Variants in AP3B1 observed in about 807,000 individuals in gnomAD.
AP3B1 encodes AP-3 complex subunit beta-1.
A neutral mutation model predicts 132.5 loss-of-function variants in AP3B1; 61 were observed. The ratio of observed to expected loss-of-function variants is 0.46; its 90% CI spans 0.37 to 0.57. AP3B1 has a LOEUF of 0.57. Ranked by LOEUF, AP3B1 falls within the 20% of genes least tolerant of loss-of-function variation. The pLI, the probability that AP3B1 is intolerant of heterozygous loss-of-function variation, is 0.00. For missense variants in AP3B1, 1,120 were observed against 1,289.4 expected, an observed-to-expected ratio of 0.87 and a Z score of 2.01; for synonymous variants, 388 against 438.3, an observed-to-expected ratio of 0.89 and a Z score of 1.43.
Position 78,003,029 on chromosome 5 carries a change from C to T in AP3B1, c.3158G>A (p.Gly1053Glu), listed in dbSNP as rs777824071. ...HRFAAKTVHS[G>E]SLMLVTVELK... ...TTCCACTGTGACTAGCATCAATGAC[C>T]CACTGTGCACAGTTTTAGCTGCAAA... The change falls in exon 27 of 27, where the codon GGG (glycine) becomes GAG (glutamate). Residue 1053 changes from glycine to glutamate, a missense_variant. Transcript: ENST00000255194. 2.5e-6 allele frequency: 4 copies of T among 1,614,128 alleles called. No individual in the cohort carries two copies. The highest frequency in any genetic ancestry group is 1.7e-4 in the Middle Eastern group (1 of 6,060).
chr5:78,114,967 C>A lies in AP3B1; in HGVS notation c.2078-1044G>T, dbSNP rs553588757. On this transcript the variant is annotated intron_variant, in intron 18 of 26. Transcript: ENST00000255194. ...CAGCAAATGGGGATAACACTAGTTACTTTTCAGAGCTGTTGTGAAGATTAA... is the reference window on the plus strand; with the variant it reads ...CAGCAAATGGGGATAACACTAGTTAATTTTCAGAGCTGTTGTGAAGATTAA... 3.3e-5 allele frequency among the ~76,000 whole-genome samples: 5 copies of A among 152,250 alleles called. No homozygotes were observed. The South Asian group carries it at 6.2e-4, about 19-fold the overall frequency.
chr5:78,165,211 G>A (rs926725175), intron 12 of AP3B1, among the ~76,000 whole-genome samples: 4 of 152,096 alleles, frequency 2.6e-5, no homozygotes, highest in African/African-American at 9.7e-5. Flanking sequence ...TATATATGAG[G>A]CTAAGGGGGC....
intron 7 of AP3B1, among the ~76,000 whole-genome samples, chr5:78,204,004 T>A (rs1415096975): frequency 2.0e-5 from 3 of 152,174 alleles, no homozygotes; most frequent in African/African-American, 7.2e-5. Flanking sequence ...CTGGTTTCAT[T>A]TAGCTGTTTC....
rs1157249359 is a variant in AP3B1 at position 78,227,667 on chromosome 5, A to T, written c.376-135T>A. 1.5e-5 allele frequency: 12 copies of T among 807,568 alleles called. No homozygotes were observed. In the African/African-American group the frequency reaches 1.5e-4, roughly 10 times the overall value. The allele number at this position is 807,568 out of a possible 1,614,324, so 50.0% of individuals were successfully genotyped here. A position where few individuals can be genotyped will look rare whatever the true frequency, so the allele number is the denominator to read the frequency against. Reference sequence around the variant, plus strand: ...AAGAAAGCTACTTAATTTAAAATGAACAATTAGTATATAGGAATGGGAAAA... The same window carrying T: ...AAGAAAGCTACTTAATTTAAAATGATCAATTAGTATATAGGAATGGGAAAA... On this transcript the variant is annotated intron_variant, in intron 4 of 26. Coordinates refer to ENST00000255194, the MANE Select transcript of AP3B1 (RefSeq NM_003664.5).
In AP3B1 at chr5:78,267,509, A is replaced by G; in HGVS notation, c.204+11T>C. On this transcript the variant is annotated intron_variant, in intron 2 of 26. Transcript: ENST00000255194. ...TTTTCCAAAATTGAAGTAAATGAGT[A>G]TTTTACCTACCCCAACAATCCGCTT... The G allele has an allele frequency of 2.5e-6, 4 of 1,595,760 alleles. No homozygotes were observed. The highest frequency in any genetic ancestry group is 3.4e-6 in the Non-Finnish European group (4 of 1,165,184).
intron 21 of AP3B1, among the ~76,000 whole-genome samples, chr5:78,093,321 G>C (rs1750613735): frequency 6.6e-6 from 1 of 152,172 alleles, no homozygotes; most frequent in Non-Finnish European, 1.5e-5. Context: ...GGCCTCCAAA[G>C]TGCTAGATTA....
chr5:78,077,515 G>A (rs1177207955), intron 22 of AP3B1, among the ~76,000 whole-genome samples: 4 of 152,148 alleles, frequency 2.6e-5, no homozygotes, highest in Non-Finnish European at 5.9e-5. Context: ...AACAAGTTAA[G>A]GAATCATTAC....
chr5:78,250,904 CA>C (rs762025780), intron 2 of AP3B1, among the ~76,000 whole-genome samples: 8 of 151,222 alleles, frequency 5.3e-5, no homozygotes, highest in Non-Finnish European at 8.9e-5. Flanking sequence ...AATGCCAGCT[CA>C]AAAAAAATCC....
intron 20 of AP3B1, among the ~76,000 whole-genome samples, chr5:78,103,692 A>G (rs561723415): frequency 6.6e-6 from 1 of 152,308 alleles, no homozygotes; most frequent in African/African-American, 2.4e-5. Flanking sequence ...ACCACAAAAA[A>G]TACCTAGTTA....
intron 3 of AP3B1, among the ~76,000 whole-genome samples, chr5:78,230,598 T>C (rs919643315): frequency 6.6e-6 from 1 of 152,162 alleles, no homozygotes; most frequent in Admixed American, 6.5e-5. Flanking sequence ...AGTCCCCAAA[T>C]ATAACTTGCA....
At position 78,020,999 on chromosome 5, in the gene AP3B1, T is replaced by C. The variant is rs17190102; in HGVS notation, c.2895-210A>G. Among the ~76,000 whole-genome samples the C allele has an allele frequency of 0.3, 46,152 of 151,928 alleles. 7,319 individuals are homozygous for C. Among genetic ancestry groups the C allele is most frequent in the Middle Eastern group, 0.38 (112 of 292 alleles). Reference sequence around the variant, plus strand: ...ACATCTGTTATCTCAATCAAGATTTTTTAAAAAACAAAACTACACAGGTAT... The same window carrying C: ...ACATCTGTTATCTCAATCAAGATTTCTTAAAAAACAAAACTACACAGGTAT... On this transcript the variant is annotated intron_variant, in intron 24 of 26. Coordinates refer to ENST00000255194, the MANE Select transcript of AP3B1 (RefSeq NM_003664.5).
intron 14 of AP3B1, among the ~76,000 whole-genome samples, chr5:78,155,273 T>C (rs1743098990): frequency 6.6e-6 from 1 of 152,174 alleles, no homozygotes; most frequent in Non-Finnish European, 1.5e-5. Context: ...CTCCCCCTAG[T>C]GCAGAGATTC....
At chr5:78,095,120 G>GT (rs1169515932) in intron 21 of AP3B1, among the ~76,000 whole-genome samples, 7 of 152,070 alleles carry the variant, frequency 4.6e-5, no homozygotes. Context: ...CAGTTTATCT[G>GT]TTTTTCCCAT....
chr5:78,291,851 T>C (rs1016591257), intron 1 of AP3B1, among the ~76,000 whole-genome samples: 2 of 152,208 alleles, frequency 1.3e-5, no homozygotes, highest in Non-Finnish European at 2.9e-5. Context: ...CCTGAATACA[T>C]CAACACTGTA....
At position 78,164,740 on chromosome 5, in the gene AP3B1, C is replaced by G. The variant is rs1743537662; in HGVS notation, c.1230+870G>C. Among the ~76,000 whole-genome samples the G allele has an allele frequency of 2.0e-5, 3 of 151,852 alleles. No individual in the cohort carries two copies. The South Asian group carries it at 6.3e-4, about 32-fold the overall frequency. On this transcript the variant is annotated intron_variant, in intron 12 of 26. Transcript: ENST00000255194. ...TATGAAAATATAAATTATGGACATG[C>G]CATATTATTCTACTATTCCTGTAAA...
rs368468915 is a variant in AP3B1 at position 78,039,307 on chromosome 5, G to A, written c.2578-33C>T. The A allele has an allele frequency of 1.1e-5, 17 of 1,485,058 alleles. No individual in the cohort carries two copies. In the African/African-American group the frequency reaches 2.1e-4, roughly 18 times the overall value. 92.0% of individuals were successfully genotyped at this position (1,485,058 alleles called of 1,614,324 possible). A position where few individuals can be genotyped will look rare whatever the true frequency, so the allele number is the denominator to read the frequency against. On this transcript the variant is annotated intron_variant, in intron 22 of 26. Coordinates refer to ENST00000255194, the MANE Select transcript of AP3B1 (RefSeq NM_003664.5). ...ACACGGCAAAAAGAAAAAAAGATGA[G>A]TTAGTGAATATAATTATTCTTTTAG...
intron 26 of AP3B1, among the ~76,000 whole-genome samples, chr5:78,010,034 T>C (rs1746554570): frequency 6.6e-6 from 1 of 152,186 alleles, no homozygotes; most frequent in African/African-American, 2.4e-5. Flanking sequence ...TTTCTGACTA[T>C]GGGTGAAAAT....
intron 22 of AP3B1, chr5:78,087,703 G>A: frequency 2.0e-6 from 2 of 984,822 alleles, no homozygotes; most frequent in Non-Finnish European, 2.4e-6. Flanking sequence ...ACTTTCCTTA[G>A]TATAAAAGGG....
chr5:78,290,416 T>A (rs1749463254), intron 1 of AP3B1, among the ~76,000 whole-genome samples: 2 of 152,040 alleles, frequency 1.3e-5, no homozygotes, highest in Non-Finnish European at 2.9e-5. Flanking sequence ...ACCAAGATGC[T>A]CTCAAAGGAA....
Sources: gnomAD v4.1 joint callset for allele counts (sites outside exome capture counted in the v4.1 genomes callset) on GRCh38, gnomAD v4.1.1 for gene constraint, MANE v1.5 for transcripts, NCBI Gene and HGNC (gene_info 2026-07-23, HGNC 2026-07-21) for gene names.